SBF2: variants seen among roughly 807,000 people sequenced by gnomAD.
SBF2 encodes the protein myotubularin-related protein 13.
In SBF2, 112 loss-of-function variants were observed where a neutral mutation model predicts 225.2. The observed-to-expected ratio is 0.50, with a 90% CI of 0.43 to 0.58. The LOEUF is 0.58. Ranked by LOEUF, SBF2 falls within the 20% of genes least tolerant of loss-of-function variation. The pLI is 0.00. For synonymous variants in SBF2, 763 were observed against 773.3 expected (o/e 0.99, Z 0.22); for missense variants, 1,996 against 2,206.2 (o/e 0.90, Z 1.91).
rs11042509 is a variant in SBF2 at position 9,839,020 on chromosome 11, G to C, written c.3455+478C>G. 7 of 187,518 alleles carry C rather than the reference G, an allele frequency of 3.7e-5. No homozygotes were observed. In the East Asian group the frequency reaches 9.0e-4, roughly 24 times the overall value. The allele number at this position is 187,518 out of a possible 1,614,324, so 11.6% of individuals were successfully genotyped here. A position where few individuals can be genotyped will look rare whatever the true frequency, so the allele number is the denominator to read the frequency against. On this transcript the variant is annotated intron_variant, in intron 26 of 39. Coordinates refer to ENST00000256190, the MANE Select transcript of SBF2 (RefSeq NM_030962.4). Reference sequence around the variant, plus strand: ...AATTATAGCCTGTGGGCCAAAACTGGCCATGCCTACTCATTTCCTTACTGT... The same window carrying C: ...AATTATAGCCTGTGGGCCAAAACTGCCCATGCCTACTCATTTCCTTACTGT...
intron 16 of SBF2, among the ~76,000 whole-genome samples, chr11:9,924,008 A>AC (rs1448694491): frequency 2.6e-5 from 4 of 152,170 alleles, no homozygotes; most frequent in Non-Finnish European, 4.4e-5. Flanking sequence ...ATCCACCACT[A>AC]CTTCAGGGGC....
intron 13 of SBF2, among the ~76,000 whole-genome samples, chr11:9,989,055 T>TATATAC (rs963608316): frequency 2.8e-5 from 4 of 142,630 alleles, no homozygotes; most frequent in Non-Finnish European, 3.2e-5. Flanking sequence ...TATATATATA[T>TATATAC]ACATATGCAT....
intron 2 of SBF2, among the ~76,000 whole-genome samples, chr11:10,164,325 C>A (rs1487364682): frequency 6.6e-6 from 1 of 152,108 alleles, no homozygotes; most frequent in Admixed American, 6.6e-5. Context: ...AAAAAATTCA[C>A]TTTATTAATT....
At chr11:9,885,681 T>A (rs77245377) in intron 17 of SBF2, among the ~76,000 whole-genome samples, 12,220 of 152,238 alleles carry the variant, frequency 0.08, 576 homozygotes, top group East Asian at 0.11. Context: ...TTGGAAGAAA[T>A]CTATTTTTTT....
intron 13 of SBF2, among the ~76,000 whole-genome samples, chr11:9,984,290 A>G (rs951341645): frequency 1.2e-4 from 18 of 152,218 alleles, no homozygotes; most frequent in Non-Finnish European, 2.6e-4. Flanking sequence ...AATGCCCTGG[A>G]AAGTCCCAGC....
At chr11:10,141,960 T>TAAA (rs1954668501) in intron 2 of SBF2, among the ~76,000 whole-genome samples, 4 of 152,138 alleles carry the variant, frequency 2.6e-5, no homozygotes, top group Admixed American at 6.6e-5. Context: ...TCCATCCTCT[T>TAAA]TAAGCTCTTA....
intron 2 of SBF2, among the ~76,000 whole-genome samples, chr11:10,088,879 A>C (rs141150946): frequency 3.9e-5 from 6 of 152,330 alleles, no homozygotes; most frequent in African/African-American, 1.4e-4. Flanking sequence ...CAAGGATTTT[A>C]TCTTTCTCAT....
chr11:9,807,818 C>T (rs1853936702), intron 32 of SBF2, 182 bp downstream of exon 32: 4 of 655,520 alleles, frequency 6.1e-6, no homozygotes, highest in Middle Eastern at 4.0e-4. Flanking sequence ...TTTCAGAAAC[C>T]AACTAATTTT....
chr11:10,275,175 A>T (rs557612903), intron 1 of SBF2, among the ~76,000 whole-genome samples: 1 of 152,302 alleles, frequency 6.6e-6, no homozygotes, highest in South Asian at 2.1e-4. Flanking sequence ...TAGAGAAAGG[A>T]GACCGAGAAA....
chr11:9,948,596 A>G (rs1233837701), intron 16 of SBF2, among the ~76,000 whole-genome samples: 1 of 152,096 alleles, frequency 6.6e-6, no homozygotes, highest in African/African-American at 2.4e-5. Context: ...GTAGACTCAT[A>G]TTTAGAAACC....
chr11:9,809,064 G>C (rs982262392), intron 30 of SBF2, 62 bp from the exon 31 acceptor site: 2 of 1,286,980 alleles, frequency 1.6e-6, no homozygotes, highest in Non-Finnish European at 2.3e-6. Flanking sequence ...AAGTCAGAGA[G>C]AGTTGCTTTC....
chr11:9,853,646 G>A lies in SBF2; in HGVS notation c.2430C>T (p.Asp810=). ...ESGFEDSENT[D]IANSVVRFIT... ...TGAACCGCACAACAGAATTGGCAATGTCAGTATTCTCTGAATCTTCAAACC... is the reference window on the plus strand; with the variant it reads ...TGAACCGCACAACAGAATTGGCAATATCAGTATTCTCTGAATCTTCAAACC... The change falls in exon 20 of 40, where the codon GAC becomes GAT. Residue 810 remains aspartate (D), a synonymous_variant. Coordinates refer to ENST00000256190, the MANE Select transcript of SBF2 (RefSeq NM_030962.4). 6.2e-7 allele frequency: 1 copy of A among 1,613,864 alleles called. No homozygotes were observed. The highest frequency in any genetic ancestry group is 8.5e-7 in the Non-Finnish European group (1 of 1,179,812).
intron 2 of SBF2, among the ~76,000 whole-genome samples, chr11:10,045,850 A>T (rs1426813256): frequency 6.6e-6 from 1 of 152,226 alleles, no homozygotes; most frequent in Non-Finnish European, 1.5e-5. Flanking sequence ...CACCAGGCCC[A>T]GATGGATTGA....
chr11:10,126,984 G>A (rs1953786408), intron 2 of SBF2, among the ~76,000 whole-genome samples: 1 of 152,016 alleles, frequency 6.6e-6, no homozygotes, highest in East Asian at 1.9e-4. Context: ...ACCTAAAATA[G>A]GCAAATCATA....
intron 13 of SBF2, among the ~76,000 whole-genome samples, chr11:9,985,567 C>G (rs1947164932): frequency 6.6e-6 from 1 of 152,166 alleles, no homozygotes; most frequent in African/African-American, 2.4e-5. Flanking sequence ...AGGTGATCCT[C>G]CTGCCTTGGC....
intron 33 of SBF2, among the ~76,000 whole-genome samples, chr11:9,791,575 A>C (rs2133863569): frequency 6.6e-6 from 1 of 152,354 alleles, no homozygotes; most frequent in Non-Finnish European, 1.5e-5. Flanking sequence ...TAAAAAACCA[A>C]GGGCTTTAAA....
At chr11:10,167,999 C>G (rs1401114954) in intron 2 of SBF2, among the ~76,000 whole-genome samples, 1 of 152,246 alleles carries the variant, frequency 6.6e-6, no homozygotes, top group Non-Finnish European at 1.5e-5. Flanking sequence ...GCCTCTGCAA[C>G]AGAGTGAGAC....
chr11:10,128,770 C>G (rs2135085460), intron 2 of SBF2, among the ~76,000 whole-genome samples: 1 of 152,258 alleles, frequency 6.6e-6, no homozygotes, highest in African/African-American at 2.4e-5. Context: ...AAAGAATGCT[C>G]AACAAAATAA....
At chr11:10,072,226 G>C (rs755918781) in intron 2 of SBF2, among the ~76,000 whole-genome samples, 1 of 152,040 alleles carries the variant, frequency 6.6e-6, no homozygotes, top group Non-Finnish European at 1.5e-5. Context: ...ATCTTATATA[G>C]CCTTTAAGGT....
Sources: allele counts gnomAD v4.1 joint callset (sites outside exome capture counted in the v4.1 genomes callset), GRCh38; gene constraint gnomAD v4.1.1; transcripts MANE v1.5; gene names NCBI Gene and HGNC (gene_info 2026-07-23, HGNC 2026-07-21).